The following SLC19A1 variants were observed in gnomAD, a reference collection of about 807,000 sequenced individuals.
The protein encoded by SLC19A1 is reduced folate transporter.
Under a neutral mutation model 35.3 loss-of-function variants are expected in SLC19A1, and 37 were observed. The observed-to-expected ratio is 1.05, with a 90% CI of 0.81 to 1.38. The LOEUF is 1.38. Ranked by LOEUF, SLC19A1 falls within the 40% of genes most tolerant of loss-of-function variation. The pLI is 0.00. For missense variants in SLC19A1, 831 were observed against 826.9 expected (o/e 1.00, Z -0.06); for synonymous variants, 460 against 398.5 (o/e 1.15, Z -1.84).
intron 1 of SLC19A1, among the ~76,000 whole-genome samples, chr21:45,551,271 C>G (rs2078464067): frequency 6.6e-6 from 1 of 151,986 alleles, no homozygotes; most frequent in Non-Finnish European, 1.5e-5. Flanking sequence ...CAAAAAAAAT[C>G]AAGTTTTAAT....
intron 4 of SLC19A1, among the ~76,000 whole-genome samples, chr21:45,528,182 C>A (rs949987137): frequency 6.6e-6 from 1 of 151,760 alleles, no homozygotes; most frequent in African/African-American, 2.4e-5. Context: ...GAAGGGCAGA[C>A]GAACAACAGG....
chr21:45,551,856 G>C (rs545796470), intron 1 of SLC19A1, among the ~76,000 whole-genome samples: 143 of 152,272 alleles, frequency 9.4e-4, no homozygotes, highest in Non-Finnish European at 1.7e-3. Context: ...AAGTTTGCCA[G>C]AGTGAAGGGC....
In SLC19A1 at chr21:45,515,855, G is replaced by T. The variant is rs1256285301; in HGVS notation, c.1579C>A (p.Gln527Lys). 3.8e-6 allele frequency: 6 copies of T among 1,596,008 alleles called. No homozygotes were observed. Among genetic ancestry groups the T allele is most frequent in the Non-Finnish European group, 5.1e-6 (6 of 1,170,220 alleles). ...EQRQSDPYLA[Q>K]APAPQAAEFL... Reference sequence around the variant, plus strand: ...TCAGCTGCCTGCGGGGCCGGGGCCTGGGCCAGGTATGGGTCGCTCTGTCTC... The same window carrying T: ...TCAGCTGCCTGCGGGGCCGGGGCCTTGGCCAGGTATGGGTCGCTCTGTCTC... The change falls in exon 6 of 6, where the codon CAG becomes AAG. Residue 527 changes from glutamine (Q) to lysine (K), a missense_variant. Transcript: ENST00000311124.
At position 45,531,370 on chromosome 21, in the gene SLC19A1, G is replaced by A; in HGVS notation, c.949+19C>T. 1 of 1,547,106 alleles carries A rather than the reference G, an allele frequency of 6.5e-7. No homozygotes were observed. Among genetic ancestry groups the A allele is most frequent in the Non-Finnish European group, 8.7e-7 (1 of 1,145,904 alleles). Reference sequence around the variant, plus strand: ...GAAGCCTCTGCGGGAAGAAGCCTCGGGGACCAGGGCATGCGTACCCAGCAG... The same window carrying A: ...GAAGCCTCTGCGGGAAGAAGCCTCGAGGACCAGGGCATGCGTACCCAGCAG... On this transcript the variant is annotated intron_variant, in intron 3 of 5. Coordinates refer to ENST00000311124, the MANE Select transcript of SLC19A1 (RefSeq NM_194255.4).
Position 45,505,417 on chromosome 21 carries a change from G to A in SLC19A1, c.498-6805C>T, listed in dbSNP as rs766721579. ...GCCCCCTGGGCCCCCTGGAACCATG[G>A]GCGCCTCCTCAGGGGTAAGTGTCTG... On this transcript the variant is annotated intron_variant, in intron 3 of 4. Transcript: ENST00000417954. 197 of 1,563,696 alleles carry A rather than the reference G, an allele frequency of 1.3e-4. No individual in the cohort carries two copies. The highest frequency in any genetic ancestry group is 1.6e-4 in the Non-Finnish European group (186 of 1,143,688).
At position 45,530,877 on chromosome 21, in the gene SLC19A1, C is replaced by G. The variant is rs1445491712; in HGVS notation, c.1044G>C (p.Gly348=). The change falls in exon 4 of 6, where the codon GGG becomes GGC. Residue 348 remains glycine (G), a synonymous_variant. Coordinates refer to ENST00000311124, the MANE Select transcript of SLC19A1 (RefSeq NM_194255.4). This position sits in a 1 kb window ranked among gnomAD's most constrained non-coding sequence, Gnocchi z 5.3. ...LIAGVTATQA[G]LVFLLAHTRH... ...GCGTGTGCGCCAGAAGGAAGACCAG[C>G]CCCGCCTGCGTGGCCGTGACGCCCG... The G allele has an allele frequency of 1.3e-5, 19 of 1,486,574 alleles. No homozygotes were observed. Among genetic ancestry groups the G allele is most frequent in the Non-Finnish European group, 1.6e-5 (18 of 1,119,912 alleles). 92.1% of individuals were successfully genotyped at this position (1,486,574 alleles called of 1,614,324 possible).
In SLC19A1 at chr21:45,505,115, C is replaced by T. The variant is rs1308901302; in HGVS notation, c.498-6503G>A. 1.1e-5 allele frequency: 18 copies of T among 1,605,744 alleles called. No homozygotes were observed. Among genetic ancestry groups the T allele is most frequent in the African/African-American group, 2.7e-5 (2 of 74,854 alleles). On this transcript the variant is annotated intron_variant, in intron 3 of 4. Coordinates refer to the SLC19A1 transcript ENST00000417954. Reference sequence around the variant, plus strand: ...AGGGCACGAGGTAACCAGGAAGCGTCTCTTGTCGCCGTCCGTAGGGTCCCA... The same window carrying T: ...AGGGCACGAGGTAACCAGGAAGCGTTTCTTGTCGCCGTCCGTAGGGTCCCA...
intron 3 of SLC19A1, chr21:45,504,508 CCCCG>C (rs772968788): frequency 1.3e-4 from 124 of 944,846 alleles, no homozygotes; most frequent in Non-Finnish European, 1.8e-4. Flanking sequence ...TGCCCGGCCC[CCCCG>C]GCCCCCCAGG....
rs2078058950 is a variant in SLC19A1 at position 45,534,963 on chromosome 21, A to T, written c.189+2808T>A. Among the ~76,000 whole-genome samples the T allele has an allele frequency of 6.6e-6, 1 of 152,226 alleles. No individual in the cohort carries two copies. The highest frequency in any genetic ancestry group is 6.5e-5 in the Admixed American group (1 of 15,282). Reference sequence around the variant, plus strand: ...GGCAGAGTGCAGGCAGCTGCGCCCAAATCTACGTCCAGACGGCCTCAGGGC... The same window carrying T: ...GGCAGAGTGCAGGCAGCTGCGCCCATATCTACGTCCAGACGGCCTCAGGGC... On this transcript the variant is annotated intron_variant, in intron 2 of 5. Coordinates refer to ENST00000311124, the MANE Select transcript of SLC19A1 (RefSeq NM_194255.4). This position sits in a 1 kb window ranked among gnomAD's most constrained non-coding sequence, Gnocchi z 4.2.
Position 45,530,892 on chromosome 21 carries a change from C to A in SLC19A1, c.1029G>T (p.Thr343=). The change falls in exon 4 of 6, where the codon ACG becomes ACT. Residue 343 remains threonine, a synonymous_variant. Coordinates refer to ENST00000311124, the MANE Select transcript of SLC19A1 (RefSeq NM_194255.4). This position sits in a 1 kb window ranked among gnomAD's most constrained non-coding sequence, Gnocchi z 5.3. ...RWSKLLIAGV[T]ATQAGLVFLL... ...GGAAGACCAGCCCCGCCTGCGTGGC[C>A]GTGACGCCCGCGATGAGCAGCTTGG... The A allele has an allele frequency of 3.4e-6, 5 of 1,481,132 alleles. No homozygotes were observed. Among genetic ancestry groups the A allele is most frequent in the Non-Finnish European group, 4.5e-6 (5 of 1,117,982 alleles). The allele number at this position is 1,481,132 out of a possible 1,614,324, so 91.7% of individuals were successfully genotyped here.
chr21:45,514,510 T>G lies in SLC19A1; in HGVS notation c.*1148A>C. 1 of 139,454 alleles carries G rather than the reference T, an allele frequency of 7.2e-6. No homozygotes were observed. The highest frequency in any genetic ancestry group is 1.6e-5 in the Non-Finnish European group (1 of 64,384). The allele number at this position is 139,454 out of a possible 1,614,324, so 8.6% of individuals were successfully genotyped here. On this transcript the variant is annotated 3_prime_UTR_variant, in exon 6 of 6. Transcript: ENST00000311124. ...GCTCTCCGTGCTGAGCAGCCAGCCA[T>G]TCACCTGGGGCCGCTGAGATGTGGC...
chr21:45,505,553 C>CG (rs1602618254), intron 3 of SLC19A1: 1 of 705,050 alleles, frequency 1.4e-6, no homozygotes, highest in East Asian at 2.7e-5. Context: ...GGCCAAGATG[C>CG]GGTTTCCAGG....
chr21:45,533,891 G>T lies in SLC19A1; in HGVS notation c.190-1743C>A, dbSNP rs1333705477. Among the ~76,000 whole-genome samples, 5 of 152,080 alleles carry T rather than the reference G, an allele frequency of 3.3e-5. No homozygotes were observed. In the East Asian group the frequency reaches 5.8e-4, roughly 18 times the overall value. On this transcript the variant is annotated intron_variant, in intron 2 of 5. Coordinates refer to ENST00000311124, the MANE Select transcript of SLC19A1 (RefSeq NM_194255.4). The surrounding 1 kb of genome is among the most constrained non-coding windows in gnomAD (Gnocchi z 4.5). The stretch of plus-strand genomic sequence containing the variant: ...GCCACCGGCTACTGTGAACAGCTGG[G>T]CAATAGGACCCTGCAGCCAGGCCGG...
intron 1 of SLC19A1, among the ~76,000 whole-genome samples, chr21:45,556,586 C>A (rs1431906293): frequency 1.3e-5 from 2 of 152,238 alleles, no homozygotes; most frequent in African/African-American, 4.8e-5. Context: ...TAACTGAATT[C>A]TTCTCAAAAC....
At chr21:45,529,603 G>C (rs907515398) in intron 4 of SLC19A1, among the ~76,000 whole-genome samples, 1 of 23,910 alleles carries the variant, frequency 4.2e-5, no homozygotes, top group Non-Finnish European at 7.4e-5. Context: ...ATGTGTGAGC[G>C]TGTGTCCATG....
At chr21:45,559,337 G>A (rs2078593390) in intron 1 of SLC19A1, among the ~76,000 whole-genome samples, 1 of 152,118 alleles carries the variant, frequency 6.6e-6, no homozygotes, top group African/African-American at 2.4e-5. Context: ...CCCCATCTGT[G>A]TATTTAGGTC....
upstream of SLC19A1, among the ~76,000 whole-genome samples, chr21:45,543,516 ACCTGCCT>A (rs1039094295): frequency 2.0e-5 from 3 of 152,148 alleles, no homozygotes; most frequent in African/African-American, 7.2e-5. Flanking sequence ...ACAATCCGCG[ACCTGCCT>A]CCTGGTGTTG....
chr21:45,512,244 G>C (rs1464893377), downstream of SLC19A1: 2 of 1,612,594 alleles, frequency 1.2e-6, no homozygotes. Context: ...CTGACCGAGA[G>C]CTACTGTGAG....
intron 5 of SLC19A1, among the ~76,000 whole-genome samples, 171 bp downstream of exon 5, chr21:45,525,646 T>C (rs569859272): frequency 6.6e-6 from 1 of 152,254 alleles, no homozygotes; most frequent in Non-Finnish European, 1.5e-5. Context: ...CGCTAGGGTC[T>C]CTCTCACTTC....
Sources: allele counts gnomAD v4.1 joint callset (sites outside exome capture counted in the v4.1 genomes callset), GRCh38; gene constraint gnomAD v4.1.1; non-coding constraint Gnocchi (gnomAD v3.1); transcripts MANE v1.5; gene names NCBI Gene and HGNC (gene_info 2026-07-23, HGNC 2026-07-21).